Variants in KIRREL3 observed in about 807,000 individuals in gnomAD.
KIRREL3 encodes kin of IRRE-like protein 3.
Under a neutral mutation model 89.7 loss-of-function variants are expected in KIRREL3, and 36 were observed. The observed-to-expected ratio is 0.40, with a 90% CI of 0.31 to 0.53. KIRREL3 has a LOEUF of 0.53. Ranked by LOEUF, KIRREL3 falls within the 20% of genes least tolerant of loss-of-function variation. The probability of loss-of-function intolerance (pLI) is 0.49; values close to 1 mark genes in which losing one functional copy is unlikely to be tolerated. For missense variants in KIRREL3, 864 were observed against 1,056.6 expected (o/e 0.82, Z 2.53); for synonymous variants, 445 against 441.4 (o/e 1.01, Z -0.10).
At chr11:126,732,733 G>C (rs893022930) in intron 1 of KIRREL3, among the ~76,000 whole-genome samples, 3 of 152,224 alleles carry the variant, frequency 2.0e-5, no homozygotes, top group African/African-American at 4.8e-5. Context: ...AGGTAACCTC[G>C]TAATGCTGAG....
rs1949766815 is a variant in KIRREL3 at position 126,764,741 on chromosome 11, T to C, written c.56-201829A>G. Among the ~76,000 whole-genome samples the C allele has an allele frequency of 6.6e-6, 1 of 152,188 alleles. No homozygotes were observed. Among genetic ancestry groups the C allele is most frequent in the African/African-American group, 2.4e-5 (1 of 41,438 alleles). ...TTGCACACATGAGTGGAACATACTA[T>C]CCAGCTTCTTAGGGCCTGTGCTGTA... On this transcript the variant is annotated intron_variant, in intron 1 of 16. Transcript: ENST00000525144. This position sits in a 1 kb window ranked among gnomAD's most constrained non-coding sequence, Gnocchi z 4.2.
At chr11:126,560,695 C>T (rs1481963397) in intron 2 of KIRREL3, among the ~76,000 whole-genome samples, 2 of 152,170 alleles carry the variant, frequency 1.3e-5, no homozygotes, top group African/African-American at 4.8e-5. Context: ...TTAAACAGAA[C>T]AAATATGCTT....
In KIRREL3 at chr11:126,873,939, G is replaced by C. The variant is rs1945188414; in HGVS notation, c.55+126516C>G. 3.3e-5 allele frequency among the ~76,000 whole-genome samples: 5 copies of C among 152,220 alleles called. 2 individuals carry two copies. The South Asian group carries it at 1.0e-3, about 31-fold the overall frequency. ...ACCACCTTCCACTTCTAACTCTCCT[G>C]CTAAAAACTTTTTTTTCCAAGAATT... On this transcript the variant is annotated intron_variant, in intron 1 of 16. Coordinates refer to ENST00000525144, the MANE Select transcript of KIRREL3 (RefSeq NM_032531.4).
chr11:126,799,448 G>A (rs1210416482), intron 1 of KIRREL3, among the ~76,000 whole-genome samples: 1 of 51,846 alleles, frequency 1.9e-5, no homozygotes, highest in Non-Finnish European at 4.3e-5. Flanking sequence ...CTGTGTGCAT[G>A]CATCTCTGTG....
intron 1 of KIRREL3, among the ~76,000 whole-genome samples, chr11:126,793,758 C>CA (rs1565736434): frequency 1.3e-5 from 2 of 152,138 alleles, no homozygotes; most frequent in Admixed American, 1.3e-4. Flanking sequence ...TGGAGTGGAC[C>CA]GGAAGCGTGC....
In KIRREL3 at chr11:126,769,199, A is replaced by T. The variant is rs1361532689; in HGVS notation, c.56-206287T>A. Among the ~76,000 whole-genome samples the T allele has an allele frequency of 6.6e-6, 1 of 152,070 alleles. No individual in the cohort carries two copies. The highest frequency in any genetic ancestry group is 1.9e-4 in the East Asian group (1 of 5,186). ...TTTCCCTTCCTCCTACGCTTTCAAC[A>T]CATCTCTAATATGGCACACGGTGTA... On this transcript the variant is annotated intron_variant, in intron 1 of 16. Coordinates refer to ENST00000525144, the MANE Select transcript of KIRREL3 (RefSeq NM_032531.4). The surrounding 1 kb of genome is among the most constrained non-coding windows in gnomAD (Gnocchi z 4.3).
intron 1 of KIRREL3, among the ~76,000 whole-genome samples, chr11:126,658,956 CA>C (rs1439400915): frequency 1.3e-5 from 2 of 152,200 alleles, no homozygotes; most frequent in Admixed American, 1.3e-4. Context: ...CAGTTGGTCA[CA>C]GCTGTTGGAT....
chr11:126,483,257 A>C (rs967623443), intron 4 of KIRREL3, among the ~76,000 whole-genome samples: 1 of 152,216 alleles, frequency 6.6e-6, no homozygotes, highest in Non-Finnish European at 1.5e-5. Context: ...ACAACTGCCC[A>C]TTCTTTGTTG....
At chr11:126,911,914 C>T (rs1306400628) in intron 1 of KIRREL3, among the ~76,000 whole-genome samples, 6 of 139,174 alleles carry the variant, frequency 4.3e-5, no homozygotes, top group Admixed American at 7.9e-5. Context: ...ACCCGGGAGG[C>T]AGAGCTTGCA....
chr11:126,508,577 C>A lies in KIRREL3; in HGVS notation c.433+12738G>T, dbSNP rs905772086. 1.1e-4 allele frequency among the ~76,000 whole-genome samples: 17 copies of A among 152,052 alleles called. No individual in the cohort carries two copies. The highest frequency in any genetic ancestry group is 1.5e-5 in the Non-Finnish European group (1 of 68,026). On this transcript the variant is annotated intron_variant, in intron 4 of 16. Transcript: ENST00000525144. The surrounding 1 kb of genome is among the most constrained non-coding windows in gnomAD (Gnocchi z 4.9). ...GCAGGGCTCCTGGAGTTCCCAGGGG[C>A]TAGGAAGAAACCTGTTTCATAGTGA... is the stretch of plus-strand genomic sequence containing the variant.
rs76458903 is a variant in KIRREL3, at chr11:126,989,055, C to T, written c.55+11400G>A. Among the ~76,000 whole-genome samples, 2,399 of 152,294 alleles carry T rather than the reference C, an allele frequency of 0.016. 62 individuals are homozygous for T. Among genetic ancestry groups the T allele is most frequent in the African/African-American group, 0.055 (2,297 of 41,564 alleles). ...GGGACAGCAGGGCCAAGGTCAAACA[C>T]CTCGTTGGTATAACATCTTTTAATT... On this transcript the variant is annotated intron_variant, in intron 1 of 16. Coordinates refer to ENST00000525144, the MANE Select transcript of KIRREL3 (RefSeq NM_032531.4). The surrounding 1 kb of genome is among the most constrained non-coding windows in gnomAD (Gnocchi z 6.2).
Position 126,736,707 on chromosome 11 carries a change from C to T in KIRREL3, c.56-173795G>A, listed in dbSNP as rs1032489423. Reference sequence around the variant, plus strand: ...TATCCTACCCAAAACGTCATTCGTGCTGAGGTTGAGAAACCCTGGTCTAGA... The same window carrying T: ...TATCCTACCCAAAACGTCATTCGTGTTGAGGTTGAGAAACCCTGGTCTAGA... On this transcript the variant is annotated intron_variant, in intron 1 of 16. Transcript: ENST00000525144. The surrounding 1 kb of genome is among the most constrained non-coding windows in gnomAD (Gnocchi z 5.0). Among the ~76,000 whole-genome samples, 4 of 152,304 alleles carry T rather than the reference C, an allele frequency of 2.6e-5. No individual in the cohort carries two copies. The highest frequency in any genetic ancestry group is 9.6e-5 in the African/African-American group (4 of 41,566).
intron 1 of KIRREL3, among the ~76,000 whole-genome samples, chr11:126,621,151 G>A (rs1269764050): frequency 1.3e-5 from 2 of 152,178 alleles, no homozygotes; most frequent in African/African-American, 4.8e-5. Context: ...TTTGATGTAC[G>A]TGTTAATTAC....
At chr11:126,854,092 A>C (rs1340843489) in intron 1 of KIRREL3, among the ~76,000 whole-genome samples, 1 of 150,312 alleles carries the variant, frequency 6.7e-6, no homozygotes, top group Non-Finnish European at 1.5e-5. Context: ...GCTCCTGTTA[A>C]CATATGGCCT....
chr11:126,849,063 T>C (rs978239662), intron 1 of KIRREL3, among the ~76,000 whole-genome samples: 1 of 152,176 alleles, frequency 6.6e-6, no homozygotes, highest in Non-Finnish European at 1.5e-5. Flanking sequence ...TCCCAGTAAG[T>C]GAAGGCATTC....
intron 1 of KIRREL3, among the ~76,000 whole-genome samples, chr11:126,933,088 G>C (rs951445653): frequency 1.6e-4 from 25 of 152,174 alleles, no homozygotes; most frequent in Admixed American, 7.2e-4. Flanking sequence ...GAAGGGGTGG[G>C]GTATCAGCCA....
chr11:126,590,290 C>G (rs1415714656), intron 1 of KIRREL3, among the ~76,000 whole-genome samples: 1 of 152,132 alleles, frequency 6.6e-6, no homozygotes, highest in Admixed American at 6.5e-5. Context: ...CATCACCTCC[C>G]TCTGTTTTAA....
rs559018443 is a variant in KIRREL3 at position 126,516,259 on chromosome 11, A to C, written c.433+5056T>G. On this transcript the variant is annotated intron_variant, in intron 4 of 16. Transcript: ENST00000525144. The surrounding 1 kb of genome is among the most constrained non-coding windows in gnomAD (Gnocchi z 4.9). ...GGAAGCTTTATTTCTAACGGGAGCCACAAGACAGCAGAGTTAATATTAGAA... is the reference window on the plus strand; with the variant it reads ...GGAAGCTTTATTTCTAACGGGAGCCCCAAGACAGCAGAGTTAATATTAGAA... Among the ~76,000 whole-genome samples the C allele has an allele frequency of 6.6e-6, 1 of 152,196 alleles. No individual in the cohort carries two copies. The highest frequency in any genetic ancestry group is 6.5e-5 in the Admixed American group (1 of 15,278).
In KIRREL3 at chr11:126,564,236, G is replaced by C. The variant is rs571080236; in HGVS notation, c.56-1324C>G. 6.6e-6 allele frequency among the ~76,000 whole-genome samples: 1 copy of C among 152,266 alleles called. No individual in the cohort carries two copies. ...CCTGAACCCAGCCAGTCAGTGTCTA[G>C]GCTCAAGAGGATAGACGGAGCGGGT... On this transcript the variant is annotated intron_variant, in intron 1 of 16. Transcript: ENST00000525144. The surrounding 1 kb of genome is among the most constrained non-coding windows in gnomAD (Gnocchi z 7.4).
Sources: gnomAD v4.1 joint callset for allele counts (sites outside exome capture counted in the v4.1 genomes callset) on GRCh38, gnomAD v4.1.1 for gene constraint, Gnocchi (gnomAD v3.1) non-coding constraint, MANE v1.5 for transcripts, NCBI Gene and HGNC (gene_info 2026-07-23, HGNC 2026-07-21) for gene names.